The following SP2 variants were observed in gnomAD, a reference collection of about 807,000 sequenced individuals.
The protein encoded by SP2 is Sp2 transcription factor.
In SP2, 9 loss-of-function variants were observed where a neutral mutation model predicts 50.1. The observed-to-expected ratio is 0.18, with a 90% CI of 0.11 to 0.31. The LOEUF (loss-of-function observed/expected upper bound fraction) is 0.31. SP2 is among the 10% of genes least tolerant of loss of function. SP2 has a pLI of 1.00. For synonymous variants in SP2, 313 were observed against 326.6 expected (o/e 0.96, Z 0.45); for missense variants, 581 against 806.5 (o/e 0.72, Z 3.39).
Position 47,896,307 on chromosome 17 carries a change from G to T in SP2, c.7+14G>T. The T allele has an allele frequency of 8.1e-7, 1 of 1,237,814 alleles. No individual in the cohort carries two copies. Among genetic ancestry groups the T allele is most frequent in the Non-Finnish European group, 1.0e-6 (1 of 988,006 alleles). 76.7% of individuals were successfully genotyped at this position (1,237,814 alleles called of 1,614,324 possible). On this transcript the variant is annotated intron_variant, in intron 1 of 6. Coordinates refer to ENST00000376741, the MANE Select transcript of SP2 (RefSeq NM_003110.6). Reference sequence around the variant, plus strand: ...TCGTAATGAGCGGTGGGTCCCGGCCGCTGCCGGCGGGGTCTTCCCGGCCCC... The same window carrying T: ...TCGTAATGAGCGGTGGGTCCCGGCCTCTGCCGGCGGGGTCTTCCCGGCCCC...
chr17:47,928,351 C>T lies in SP2; in HGVS notation c.*527C>T, dbSNP rs1295340655. ...GCCACAACCTCTCCTCCAGCACATT[C>T]CAGCTCTATTTAAAAAGTAAAGACA... is the stretch of plus-strand genomic sequence containing the variant. On this transcript the variant is annotated 3_prime_UTR_variant, in exon 7 of 7. Coordinates refer to ENST00000376741, the MANE Select transcript of SP2 (RefSeq NM_003110.6). The T allele has an allele frequency of 6.4e-6, 1 of 156,218 alleles. No homozygotes were observed. Among genetic ancestry groups the T allele is most frequent in the Non-Finnish European group, 1.4e-5 (1 of 69,586 alleles). 9.7% of individuals were successfully genotyped at this position (156,218 alleles called of 1,614,324 possible).
chr17:47,899,214 T>C (rs2034448554), intron 1 of SP2: 1 of 152,256 alleles, frequency 6.6e-6, no homozygotes, highest in South Asian at 2.1e-4. Context: ...AAAGATGCTC[T>C]TCCTCAATTA....
chr17:47,912,850 TTTTGTTTG>T (rs372676777), intron 1 of SP2, among the ~76,000 whole-genome samples: 24 of 151,742 alleles, frequency 1.6e-4, no homozygotes, highest in Non-Finnish European at 2.1e-4. Flanking sequence ...ATATGTATCC[TTTTGTTTG>T]TTTGTTTGTT....
At chr17:47,899,269 T>G (rs2034450892) in intron 1 of SP2, 1 of 152,202 alleles carries the variant, frequency 6.6e-6, no homozygotes, top group South Asian at 2.1e-4. Context: ...TAGGAGACCT[T>G]GGGGTGGAGG....
In SP2 at chr17:47,925,024, A is replaced by G. The variant is rs762075768; in HGVS notation, c.1478A>G (p.Glu493Gly). 6.2e-7 allele frequency: 1 copy of G among 1,614,160 alleles called. No homozygotes were observed. The highest frequency in any genetic ancestry group is 2.2e-5 in the East Asian group (1 of 44,870). ...QLQMEQALAG[E>G]TQPGEKRRRM... ...CAAATGGAACAAGCCCTGGCCGGAG[A>G]GACCCAGCCCGGGGAGAAGCGGCGC... Residue 493 changes from glutamate to glycine, a missense_variant, in exon 5 of 7, where the codon GAG becomes GGG. Around this residue, in one of 2 missense-constraint regions of SP2, gnomAD observed 184 missense variants for 315.5 expected, o/e 0.58. Transcript: ENST00000376741.
chr17:47,915,289 C>T (rs760572319), intron 1 of SP2, 23 bp from the exon 2 acceptor site: 4 of 1,569,678 alleles, frequency 2.5e-6, no homozygotes, highest in South Asian at 2.3e-5. Context: ...TTATACATTA[C>T]TCCATCTCTT....
chr17:47,899,978 T>G (rs2034475473), intron 1 of SP2: 1 of 152,296 alleles, frequency 6.6e-6, no homozygotes, highest in African/African-American at 2.4e-5. Context: ...TCATTCCCAT[T>G]GCTGCTGTTT....
intron 1 of SP2, chr17:47,898,782 T>G (rs1169023810): frequency 6.6e-6 from 1 of 152,224 alleles, no homozygotes; most frequent in African/African-American, 2.4e-5. Flanking sequence ...GCGTGAACAC[T>G]TCTGAGTTTA....
At chr17:47,907,909 A>C (rs1458594016) in intron 1 of SP2, among the ~76,000 whole-genome samples, 1 of 152,164 alleles carries the variant, frequency 6.6e-6, no homozygotes, top group African/African-American at 2.4e-5. Flanking sequence ...CTTCTTAACC[A>C]CTTTTCATTT....
At chr17:47,915,811 G>T (rs1240834330) in intron 2 of SP2, among the ~76,000 whole-genome samples, 2 of 152,054 alleles carry the variant, frequency 1.3e-5, no homozygotes, top group African/African-American at 2.4e-5. Flanking sequence ...CCCTGGGGTG[G>T]GCTAACAAAC....
At position 47,917,004 on chromosome 17, in the gene SP2, G is replaced by A. The variant is rs373883531; in HGVS notation, c.933G>A (p.Gln311=). The A allele has an allele frequency of 1.4e-4, 223 of 1,614,238 alleles. 2 individuals carry two copies. In the Middle Eastern group the frequency reaches 1.5e-3, roughly 11 times the overall value. ...TGGTGCCCCCCAAGGCCGAGCAGCA[G>A]CAGGTGGTACAGATCCCCCAGCAGG... ...VQVVPPKAEQ[Q]QVVQIPQQAL... The change falls in exon 3 of 7, where the codon CAG becomes CAA. Residue 311 remains glutamine, a synonymous_variant. Coordinates refer to ENST00000376741, the MANE Select transcript of SP2 (RefSeq NM_003110.6).
intron 1 of SP2, among the ~76,000 whole-genome samples, chr17:47,896,803 C>T (rs1449154580): frequency 6.6e-6 from 1 of 152,334 alleles, no homozygotes; most frequent in Non-Finnish European, 1.5e-5. Context: ...GAGACCCGGA[C>T]GCTGCCAACC....
chr17:47,914,197 C>T (rs2035097152), intron 1 of SP2, among the ~76,000 whole-genome samples: 1 of 152,044 alleles, frequency 6.6e-6, no homozygotes, highest in African/African-American at 2.4e-5. Flanking sequence ...ATGGTGAAAC[C>T]CTGTCTCTAC....
At chr17:47,908,897 C>A (rs1014352757) in intron 1 of SP2, among the ~76,000 whole-genome samples, 6 of 152,186 alleles carry the variant, frequency 3.9e-5, no homozygotes, top group Admixed American at 2.0e-4. Context: ...ACTTCCCACC[C>A]CATCTCAACA....
chr17:47,925,600 C>A, intron 6 of SP2, 59 bp downstream of exon 6: 1 of 1,374,356 alleles, frequency 7.3e-7, no homozygotes. Context: ...GCCTCTCCTC[C>A]CACCCCCACT....
chr17:47,903,799 A>G (rs2034641831), intron 1 of SP2, among the ~76,000 whole-genome samples: 1 of 151,402 alleles, frequency 6.6e-6, no homozygotes, highest in African/African-American at 2.4e-5. Context: ...GTCTGTCTCT[A>G]CTAAAATACA....
intron 1 of SP2, among the ~76,000 whole-genome samples, chr17:47,902,347 C>T (rs2034575748): frequency 6.6e-6 from 1 of 152,084 alleles, no homozygotes; most frequent in South Asian, 2.1e-4. Context: ...TTGGCTTTTA[C>T]TTTGAGTGGG....
At chr17:47,906,324 G>A (rs1194361687) in intron 1 of SP2, among the ~76,000 whole-genome samples, 7 of 152,198 alleles carry the variant, frequency 4.6e-5, no homozygotes, top group African/African-American at 1.7e-4. Context: ...CAGAAGAGAG[G>A]CTGCTTTAAC....
downstream of SP2, chr17:47,929,667 A>C (rs1199631037): frequency 6.5e-6 from 1 of 152,826 alleles, no homozygotes; most frequent in Middle Eastern, 3.4e-3. Context: ...TGCAGAACTA[A>C]TAGGAACTCA....
Sources: allele counts gnomAD v4.1 joint callset (sites outside exome capture counted in the v4.1 genomes callset), GRCh38; gene constraint gnomAD v4.1.1; regional missense constraint gnomAD v4.1.1; transcripts MANE v1.5; gene names NCBI Gene and HGNC (gene_info 2026-07-23, HGNC 2026-07-21).